Variants in KIAA1217 observed in about 807,000 individuals in gnomAD.
The protein encoded by KIAA1217 is sickle tail protein homolog.
In KIAA1217, 88 loss-of-function variants were observed where a neutral mutation model predicts 163.9. That is an observed-to-expected ratio of 0.54 (90% CI 0.45 to 0.64). The LOEUF (loss-of-function observed/expected upper bound fraction) is 0.64. Among genes scored for constraint, KIAA1217 ranks in the 30% least tolerant of loss-of-function variants. KIAA1217 has a pLI of 0.00. For missense variants in KIAA1217, 2,372 were observed against 2,475.0 expected (o/e 0.96, Z 0.88); for synonymous variants, 903 against 923.1 (o/e 0.98, Z 0.39).
chr10:24,207,284 A>ACT (rs1458037116), upstream of KIAA1217, among the ~76,000 whole-genome samples: 2 of 46,244 alleles, frequency 4.3e-5, no homozygotes, highest in Non-Finnish European at 9.5e-5. Flanking sequence ...TCTCTCTCTC[A>ACT]CACACACACA....
At chr10:23,813,317 A>C (rs1265260203) in intron 1 of KIAA1217, among the ~76,000 whole-genome samples, 3 of 151,944 alleles carry the variant, frequency 2.0e-5, no homozygotes, top group African/African-American at 4.8e-5. Context: ...ATTATATATA[A>C]AATTCTCTTA....
At chr10:24,225,867 T>C (rs1404463961) in intron 2 of KIAA1217, among the ~76,000 whole-genome samples, 2 of 152,238 alleles carry the variant, frequency 1.3e-5, no homozygotes, top group Admixed American at 1.3e-4. Flanking sequence ...CTTTCGCCTC[T>C]GTAAACTCAG....
intron 3 of KIAA1217, among the ~76,000 whole-genome samples, chr10:24,415,110 C>A (rs1181665108): frequency 8.3e-6 from 1 of 120,252 alleles, no homozygotes. Context: ...TGATCTCTCT[C>A]TTTTTTTTTT....
At chr10:24,139,896 A>G (rs1473637569) in intron 2 of KIAA1217, among the ~76,000 whole-genome samples, 7 of 152,214 alleles carry the variant, frequency 4.6e-5, no homozygotes, top group Admixed American at 4.6e-4. Context: ...TGGCACAGTA[A>G]GTGATTGATA....
At chr10:24,174,209 C>A (rs1226062873) in intron 2 of KIAA1217, among the ~76,000 whole-genome samples, 1 of 152,142 alleles carries the variant, frequency 6.6e-6, no homozygotes, top group Non-Finnish European at 1.5e-5. Context: ...TCATTATTAC[C>A]CCTGCCCAGT....
At chr10:23,789,885 A>C (rs1346140624) in intron 1 of KIAA1217, among the ~76,000 whole-genome samples, 1 of 149,488 alleles carries the variant, frequency 6.7e-6, no homozygotes, top group East Asian at 2.0e-4. Context: ...ATATATATAT[A>C]TCATATATAT....
intron 1 of KIAA1217, among the ~76,000 whole-genome samples, chr10:23,829,616 G>C (rs1439397018): frequency 6.6e-6 from 1 of 152,054 alleles, no homozygotes; most frequent in Non-Finnish European, 1.5e-5. Context: ...TTTATTCACT[G>C]GGTAGTCTAA....
chr10:24,086,325 A>C (rs926192776), intron 2 of KIAA1217, among the ~76,000 whole-genome samples: 2 of 152,224 alleles, frequency 1.3e-5, no homozygotes, highest in African/African-American at 2.4e-5. Flanking sequence ...TGGAGTAGCC[A>C]CCCTCATGTT....
At chr10:23,932,401 A>T (rs867669681) in intron 1 of KIAA1217, among the ~76,000 whole-genome samples, 5 of 149,774 alleles carry the variant, frequency 3.3e-5, no homozygotes, top group South Asian at 2.1e-4. Flanking sequence ...ATTGAACCAG[A>T]ATCTTCTAGT....
Position 24,320,721 on chromosome 10 carries a change from T to C in KIAA1217, c.355-60148T>C, listed in dbSNP as rs568413715. Among the ~76,000 whole-genome samples, 5 of 152,292 alleles carry C rather than the reference T, an allele frequency of 3.3e-5. No individual in the cohort carries two copies. The East Asian group carries it at 9.6e-4, about 29-fold the overall frequency. On this transcript the variant is annotated intron_variant, in intron 2 of 20. Transcript: ENST00000376454. Reference sequence around the variant, plus strand: ...AGACGGAAAATTCTCCATTTTTTCATTCTCATAAGTCACCTAAGAACATCT... The same window carrying C: ...AGACGGAAAATTCTCCATTTTTTCACTCTCATAAGTCACCTAAGAACATCT...
intron 5 of KIAA1217, among the ~76,000 whole-genome samples, chr10:24,470,765 G>A (rs897057591): frequency 2.0e-5 from 3 of 152,216 alleles, no homozygotes; most frequent in East Asian, 1.9e-4. Context: ...GCTCCCTTTT[G>A]TTGCTACATA....
chr10:24,218,741 G>A (rs376763155), intron 1 of KIAA1217, among the ~76,000 whole-genome samples: 20 of 152,026 alleles, frequency 1.3e-4, no homozygotes, highest in African/African-American at 2.7e-4. Flanking sequence ...CACCCGCCTC[G>A]GCCTCCCAAA....
At chr10:23,785,318 T>G (rs1217813225) in intron 1 of KIAA1217, among the ~76,000 whole-genome samples, 1 of 152,298 alleles carries the variant, frequency 6.6e-6, no homozygotes, top group South Asian at 2.1e-4. Flanking sequence ...AACTGCTCTG[T>G]GAAGCTGTTC....
At chr10:24,259,407 G>A (rs2075503266) in intron 2 of KIAA1217, among the ~76,000 whole-genome samples, 1 of 152,090 alleles carries the variant, frequency 6.6e-6, no homozygotes, top group Admixed American at 6.5e-5. Context: ...GCGGCCAGGA[G>A]TGCAAAACCA....
At chr10:23,861,183 G>T (rs1441188915) in intron 1 of KIAA1217, among the ~76,000 whole-genome samples, 1 of 152,096 alleles carries the variant, frequency 6.6e-6, no homozygotes, top group African/African-American at 2.4e-5. Context: ...AAAATGCTGG[G>T]ATTACAGGTG....
intron 2 of KIAA1217, among the ~76,000 whole-genome samples, chr10:24,262,245 G>C (rs995554040): frequency 1.3e-5 from 2 of 152,148 alleles, no homozygotes; most frequent in Non-Finnish European, 2.9e-5. Flanking sequence ...TCAAGTCCTA[G>C]GAGTCTGAGC....
intron 1 of KIAA1217, among the ~76,000 whole-genome samples, chr10:23,842,814 T>C (rs922321878): frequency 5.3e-5 from 8 of 151,940 alleles, no homozygotes; most frequent in Non-Finnish European, 8.8e-5. Context: ...CTTTAAAAAA[T>C]ACAATAATTA....
chr10:24,442,151 G>C (rs781685499), intron 5 of KIAA1217, among the ~76,000 whole-genome samples: 1 of 152,054 alleles, frequency 6.6e-6, no homozygotes, highest in Non-Finnish European at 1.5e-5. Flanking sequence ...CAATACCCAA[G>C]GTAACTGCTG....
chr10:24,312,839 T>TGG (rs2042884220), intron 2 of KIAA1217, among the ~76,000 whole-genome samples: 1 of 151,834 alleles, frequency 6.6e-6, no homozygotes, highest in South Asian at 2.1e-4. Flanking sequence ...CACTTGAGAC[T>TGG]GAGGAGGTCT....
Sources: gnomAD v4.1 joint callset for allele counts (sites outside exome capture counted in the v4.1 genomes callset) on GRCh38, gnomAD v4.1.1 for gene constraint, MANE v1.5 for transcripts, NCBI Gene and HGNC (gene_info 2026-07-23, HGNC 2026-07-21) for gene names.